Variants in FAM156A observed in about 807,000 individuals in gnomAD.
FAM156A encodes the protein protein FAM156A/FAM156B.
intron 1 of FAM156A, among the ~76,000 whole-genome samples, chrX:52,983,185 C>G (rs1286202329): frequency 2.7e-5 from 3 of 111,916 alleles, no homozygotes; most frequent in African/African-American, 9.7e-5. Context: ...CCCAGAAGGT[C>G]GAGGCTACAG....
At chrX:52,976,784 C>G (rs1191808805) in intron 1 of FAM156A, among the ~76,000 whole-genome samples, 1 of 111,010 alleles carries the variant, frequency 9.0e-6, no homozygotes, top group Non-Finnish European at 1.9e-5. Flanking sequence ...CATCTTTGTG[C>G]TTTCCTGGTA....
intron 1 of FAM156A, among the ~76,000 whole-genome samples, chrX:52,973,461 C>T (rs1470987805): frequency 9.2e-6 from 1 of 108,604 alleles, no homozygotes; most frequent in Non-Finnish European, 1.9e-5. Context: ...TTCTAATCAG[C>T]ACAATTTTTT....
chrX:52,975,100 T>C (rs1556791845), intron 1 of FAM156A, among the ~76,000 whole-genome samples: 1 of 100,230 alleles, frequency 1.0e-5, no homozygotes, highest in Non-Finnish European at 2.0e-5. Flanking sequence ...ACACATTCCC[T>C]TGGCACTGAT....
In FAM156A at chrX:52,991,539, A is replaced by G. The variant is rs371444201; in HGVS notation, c.-434+3767T>C. Reference sequence around the variant, plus strand: ...AGCTATTTGGGTTTTTCTTAACCCCATCAAGCAGACACCTAAAACTAACCA... The same window carrying G: ...AGCTATTTGGGTTTTTCTTAACCCCGTCAAGCAGACACCTAAAACTAACCA... On this transcript the variant is annotated intron_variant, in intron 1 of 4. Coordinates refer to the FAM156A transcript ENST00000610625. 8.5e-3 allele frequency among the ~76,000 whole-genome samples: 937 copies of G among 110,571 alleles called. 5 individuals carry two copies. The highest frequency in any genetic ancestry group is 0.019 in the Middle Eastern group (4 of 215).
intron 1 of FAM156A, among the ~76,000 whole-genome samples, chrX:52,978,922 A>C (rs937077444): frequency 1.8e-5 from 2 of 112,313 alleles, no homozygotes; most frequent in Non-Finnish European, 3.8e-5. Flanking sequence ...TTTCCATGAA[A>C]GTTAGAACCT....
At chrX:52,982,880 C>G (rs1382597367) in intron 1 of FAM156A, among the ~76,000 whole-genome samples, 2 of 113,125 alleles carry the variant, frequency 1.8e-5, no homozygotes, top group Non-Finnish European at 3.7e-5. Flanking sequence ...TTGCTGGTGA[C>G]AGCTCTGCAT....
chrX:52,991,312 G>A (rs1402865611), intron 1 of FAM156A, among the ~76,000 whole-genome samples: 1 of 110,779 alleles, frequency 9.0e-6, no homozygotes, highest in African/African-American at 3.3e-5. Flanking sequence ...TTGAAAACCC[G>A]GAGTTCTTAT....
At chrX:52,984,226 G>A (rs907508756) in intron 1 of FAM156A, among the ~76,000 whole-genome samples, 4 of 111,689 alleles carry the variant, frequency 3.6e-5, no homozygotes, top group African/African-American at 9.8e-5. Context: ...CACAGAATTC[G>A]TTCCTCCAGA....
At chrX:52,988,979 G>C (rs1366043394) in intron 1 of FAM156A, among the ~76,000 whole-genome samples, 2 of 112,430 alleles carry the variant, frequency 1.8e-5, no homozygotes, top group African/African-American at 6.5e-5. Context: ...ACTAATTAAC[G>C]ATCCAATAGG....
intron 1 of FAM156A, among the ~76,000 whole-genome samples, chrX:52,975,397 T>C (rs1929386083): frequency 9.0e-6 from 1 of 111,713 alleles, no homozygotes; most frequent in Non-Finnish European, 1.9e-5. Context: ...CAGGGCAGCT[T>C]CTCACCACAG....
At chrX:52,974,483 T>C (rs1161562935) in intron 1 of FAM156A, among the ~76,000 whole-genome samples, 2 of 110,632 alleles carry the variant, frequency 1.8e-5, no homozygotes, top group Non-Finnish European at 3.8e-5. Context: ...ACAAATTAAG[T>C]TTTTTTTTGA....
intron 1 of FAM156A, among the ~76,000 whole-genome samples, chrX:52,975,683 C>A (rs1929416476): frequency 8.9e-6 from 1 of 111,786 alleles, no homozygotes; most frequent in Non-Finnish European, 1.9e-5. Flanking sequence ...CTGTAGGCTT[C>A]CAGATACCAA....
At chrX:52,974,117 CT>C (rs1172337687) in intron 1 of FAM156A, among the ~76,000 whole-genome samples, 1 of 112,334 alleles carries the variant, frequency 8.9e-6, no homozygotes, top group African/African-American at 3.2e-5. Context: ...TCAGTCAAGA[CT>C]TTTTTCTTGT....
At chrX:52,981,305 C>G (rs1207554092) in intron 1 of FAM156A, among the ~76,000 whole-genome samples, 1 of 111,037 alleles carries the variant, frequency 9.0e-6, no homozygotes, top group Non-Finnish European at 1.9e-5. Context: ...TTGTCCAGCC[C>G]AAGTCTCCAT....
chrX:52,980,780 CTCTGTGTGTGTGTGTG>C (rs1929821364), intron 1 of FAM156A, among the ~76,000 whole-genome samples: 2 of 61,833 alleles, frequency 3.2e-5, no homozygotes. Flanking sequence ...GTTAGGGTTC[CTCTGTGTGTGTGTGTG>C]TGTGTGTGTG....
intron 1 of FAM156A, among the ~76,000 whole-genome samples, chrX:52,988,473 T>C (rs2146625618): frequency 9.0e-6 from 1 of 110,823 alleles, no homozygotes; most frequent in Admixed American, 9.6e-5. Flanking sequence ...CAGGAAGTTC[T>C]TTGGGGTGAT....
intron 1 of FAM156A, among the ~76,000 whole-genome samples, chrX:52,974,447 GT>G (rs1366158283): frequency 2.7e-5 from 3 of 111,943 alleles, no homozygotes; most frequent in African/African-American, 9.7e-5. Context: ...CTAGAACATA[GT>G]TGAGGCTTGG....
chrX:52,980,851 T>TGTGTG (rs1356126923), intron 1 of FAM156A, among the ~76,000 whole-genome samples: 2 of 43,956 alleles, frequency 4.6e-5, no homozygotes, highest in Non-Finnish European at 4.5e-5. Flanking sequence ...TGTGTGTGTG[T>TGTGTG]AGAGGGAGAG....
chrX:52,988,542 A>T (rs1556794901), intron 1 of FAM156A, among the ~76,000 whole-genome samples: 1 of 111,974 alleles, frequency 8.9e-6, no homozygotes, highest in African/African-American at 3.2e-5. Context: ...AGGTGTTCAA[A>T]TTCACAGAAC....
Sources: allele counts gnomAD v4.1 joint callset (sites outside exome capture counted in the v4.1 genomes callset), GRCh38; gene constraint gnomAD v4.1.1; transcripts MANE v1.5; gene names NCBI Gene and HGNC (gene_info 2026-07-23, HGNC 2026-07-21).